Variants in ATAD3B observed in about 807,000 individuals in gnomAD.
ATAD3B encodes ATPase family AAA domain containing 3B.
Under a neutral mutation model 70.2 loss-of-function variants are expected in ATAD3B, and 59 were observed. The ratio of observed to expected loss-of-function variants is 0.84; its 90% confidence interval spans 0.68 to 1.04. The LOEUF (loss-of-function observed/expected upper bound fraction) is 1.04, where lower values mean the gene tolerates loss of function less well. Among genes scored for constraint, ATAD3B ranks in the 50% least tolerant of loss-of-function variants. ATAD3B has a pLI of 0.00. For synonymous variants in ATAD3B, 423 were observed against 388.6 expected, an observed-to-expected ratio of 1.09 and a Z score of -1.04; for missense variants, 961 against 913.4, an observed-to-expected ratio of 1.05 and a Z score of -0.67.
chr1:1,494,330 G>A (rs1044461471), intron 15 of ATAD3B, among the ~76,000 whole-genome samples: 1 of 151,956 alleles, frequency 6.6e-6, no homozygotes, highest in Non-Finnish European at 1.5e-5. Flanking sequence ...GCAGCCACTC[G>A]GGTGGACCCT....
rs375615382 is a variant in ATAD3B at position 1,489,513 on chromosome 1, C to T, written c.1337+239C>T. 2,236 of 984,132 alleles carry T rather than the reference C, an allele frequency of 2.3e-3. 20 individuals carry two copies. Among genetic ancestry groups the T allele is most frequent in the Non-Finnish European group, 2.9e-3 (1,974 of 677,932 alleles). The allele number at this position is 984,132 out of a possible 1,614,324, so 61.0% of individuals were successfully genotyped here. A position where few individuals can be genotyped will look rare whatever the true frequency, so the allele number is the denominator to read the frequency against. ...CTGTCTTCACGGCCCTGTGCGCCGC[C>T]GCCCCAGCTTGCAGGTCCCTCTGCC... On this transcript the variant is annotated intron_variant, in intron 13 of 15. Coordinates refer to ENST00000673477, the MANE Select transcript of ATAD3B (RefSeq NM_031921.6).
chr1:1,505,458 C>T, the ATAD3B span, among the ~76,000 whole-genome samples: 584 of 152,180 alleles, frequency 3.8e-3, 15 homozygotes, highest in South Asian at 0.067. Context: ...TAACTGTGGG[C>T]GGGCCTGACC....
chr1:1,489,818 C>T, intron 13 of ATAD3B: 5 of 1,259,440 alleles, frequency 4.0e-6, no homozygotes, highest in Non-Finnish European at 5.2e-6. Context: ...TCAGGTCCTT[C>T]CCAGAGAGGC....
intron 5 of ATAD3B, among the ~76,000 whole-genome samples, 179 bp from the exon 6 acceptor site, chr1:1,481,959 C>CAT (rs1639928578): frequency 5.5e-5 from 8 of 144,648 alleles, no homozygotes; most frequent in African/African-American, 1.9e-4. Context: ...GTCCGTGGTG[C>CAT]GGGCCTGTCC....
At chr1:1,507,384 G>A in the ATAD3B span, among the ~76,000 whole-genome samples, 1 of 152,162 alleles carries the variant, frequency 6.6e-6, no homozygotes, top group Non-Finnish European at 1.5e-5. Context: ...TCATAAAAGG[G>A]TGTTGAATTT....
intron 5 of ATAD3B, among the ~76,000 whole-genome samples, 194 bp from the exon 6 acceptor site, chr1:1,481,944 G>A (rs1639926705): frequency 1.4e-5 from 2 of 139,010 alleles, no homozygotes; most frequent in South Asian, 2.2e-4. Context: ...CTGTGGCGTG[G>A]GCCGGTCCGT....
At chr1:1,480,229 C>A (rs1469895784) in intron 4 of ATAD3B, among the ~76,000 whole-genome samples, 1 of 128,580 alleles carries the variant, frequency 7.8e-6, no homozygotes, top group African/African-American at 3.0e-5. Context: ...TGGGCACACA[C>A]ACATTACTGC....
chr1:1,480,183 A>ACCCCCAC (rs1051932714), intron 4 of ATAD3B, among the ~76,000 whole-genome samples: 3 of 97,178 alleles, frequency 3.1e-5, no homozygotes, highest in African/African-American at 8.9e-5. Context: ...ACGAGGGCAC[A>ACCCCCAC]CCCCCACCCC....
rs746295128 is a variant in ATAD3B, at chr1:1,482,267, C to T, written c.644C>T (p.Ala215Val). The change falls in exon 6 of 16, where the codon GCG becomes GTG. Residue 215 changes from alanine (A) to valine (V), a missense_variant. Physicochemically the swap from Ala to Val is moderately conservative, Grantham distance 64 (BLOSUM62 0). Around this residue, in one of 4 missense-constraint regions of ATAD3B, gnomAD observed 349 missense variants for 307.5 expected, o/e 1.14. Transcript: ENST00000673477. ...DIIREQIRLK[A>V]SEHRQTVLES... ...ATCCGCGAGCAGATCCGCCTGAAGG[C>T]GTCCGAGCACCGTCAGACCGTCTTG... 61 of 1,611,042 alleles carry T rather than the reference C, an allele frequency of 3.8e-5. 1 individual carries two copies. Among genetic ancestry groups the T allele is most frequent in the Non-Finnish European group, 4.6e-5 (54 of 1,179,280 alleles).
chr1:1,498,955 C>T (rs1640879255), downstream of ATAD3B, among the ~76,000 whole-genome samples: 1 of 149,346 alleles, frequency 6.7e-6, no homozygotes, highest in African/African-American at 2.5e-5. Flanking sequence ...GCCCCTACTG[C>T]TGTGTGGTTC....
Position 1,477,232 on chromosome 1 carries a change from C to T in ATAD3B, c.206-42C>T, listed in dbSNP as rs368212701. On this transcript the variant is annotated intron_variant, in intron 1 of 15. Coordinates refer to ENST00000673477, the MANE Select transcript of ATAD3B (RefSeq NM_031921.6). ...ACCATGTTGGCCAGGCTTTGGTATC[C>T]GTGTATCCTACACCTGCTCTCCGTG... 60 of 1,607,740 alleles carry T rather than the reference C, an allele frequency of 3.7e-5. 3 individuals carry two copies. Among genetic ancestry groups the T allele is most frequent in the Non-Finnish European group, 4.4e-5 (52 of 1,176,776 alleles).
At chr1:1,499,521 C>T (rs1452162903), downstream of ATAD3B, among the ~76,000 whole-genome samples, 6 of 151,098 alleles carry the variant, frequency 4.0e-5, no homozygotes, top group Admixed American at 6.6e-5. Flanking sequence ...CGTGAGCCAC[C>T]GTGCCCAGCC....
chr1:1,490,187 G>T (rs929448745), intron 13 of ATAD3B, 70 bp from the exon 14 acceptor site: 3 of 1,571,896 alleles, frequency 1.9e-6, no homozygotes, highest in Non-Finnish European at 8.6e-7. Flanking sequence ...GGGGGCTGAG[G>T]AGCCCCCGTT....
At chr1:1,507,488 C>T in the ATAD3B span, among the ~76,000 whole-genome samples, 4 of 152,154 alleles carry the variant, frequency 2.6e-5, no homozygotes, top group Admixed American at 6.5e-5. Flanking sequence ...TTGAACATTT[C>T]GTATGTGGAA....
At chr1:1,474,595 G>T (rs1446742899) in intron 1 of ATAD3B, among the ~76,000 whole-genome samples, 2 of 151,818 alleles carry the variant, frequency 1.3e-5, no homozygotes, top group Non-Finnish European at 2.9e-5. Context: ...TGCCTTTGGG[G>T]TTCAAGCGAT....
rs185540834 is a variant in ATAD3B at position 1,481,073 on chromosome 1, C to T, written c.514+137C>T. Reference sequence around the variant, plus strand: ...GTGGGCGAGGCCTGCTGGGGCTCTGCGGGGTGGGGCTCCCTCTCGGAAGAC... The same window carrying T: ...GTGGGCGAGGCCTGCTGGGGCTCTGTGGGGTGGGGCTCCCTCTCGGAAGAC... On this transcript the variant is annotated intron_variant, in intron 5 of 15. Coordinates refer to ENST00000673477, the MANE Select transcript of ATAD3B (RefSeq NM_031921.6). 886 of 1,461,946 alleles carry T rather than the reference C, an allele frequency of 6.1e-4. 77 individuals are homozygous for T. Among genetic ancestry groups the T allele is most frequent in the Middle Eastern group, 4.0e-3 (17 of 4,246 alleles). 90.6% of individuals were successfully genotyped at this position (1,461,946 alleles called of 1,614,324 possible).
Position 1,489,268 on chromosome 1 carries a change from G to C in ATAD3B, c.1331G>C (p.Ser444Thr). ...TTCCTGTACCACATGGGCCAACACAGCAACAAGTGAGGGAGCCCCTCGGGT... is the reference window on the plus strand; with the variant it reads ...TTCCTGTACCACATGGGCCAACACACCAACAAGTGAGGGAGCCCCTCGGGT... ...NAFLYHMGQH[S>T]NKFMLVLASN... Residue 444 changes from serine to threonine, a missense_variant, in exon 13 of 16, where the codon AGC becomes ACC. Ser to Thr is a moderately conservative substitution (Grantham distance 58). Transcript: ENST00000673477. The C allele has an allele frequency of 6.2e-7, 1 of 1,613,542 alleles. No homozygotes were observed. Among genetic ancestry groups the C allele is most frequent in the East Asian group, 2.2e-5 (1 of 44,882 alleles).
At chr1:1,492,743 GC>G (rs1640598244) in intron 15 of ATAD3B, among the ~76,000 whole-genome samples, 1 of 151,818 alleles carries the variant, frequency 6.6e-6, no homozygotes. Flanking sequence ...TTCAAGACCA[GC>G]CTGGACAACA....
chr1:1,477,666 C>T (rs1042773582), intron 2 of ATAD3B, among the ~76,000 whole-genome samples: 3 of 149,918 alleles, frequency 2.0e-5, no homozygotes, highest in Non-Finnish European at 4.4e-5. Flanking sequence ...TTTCTTTTCA[C>T]TCAGCAGGAT....
Sources: gnomAD v4.1 joint callset for allele counts (sites outside exome capture counted in the v4.1 genomes callset) on GRCh38, gnomAD v4.1.1 for gene constraint, gnomAD v4.1.1 regional missense constraint, MANE v1.5 for transcripts, NCBI Gene and HGNC (gene_info 2026-07-23, HGNC 2026-07-21) for gene names.